The following TBCK variants were observed in gnomAD, a reference collection of about 807,000 sequenced individuals.
The protein encoded by TBCK is TBC domain-containing protein kinase-like protein.
TBCK carries 99 observed loss-of-function variants against 113.4 expected under a neutral mutation model. That is an observed-to-expected ratio of 0.87 (90% CI 0.74 to 1.03). The LOEUF is 1.03. TBCK is among the 50% of genes least tolerant of loss of function. The probability of loss-of-function intolerance (pLI) is 0.00; values close to 1 mark genes in which losing one functional copy is unlikely to be tolerated. For missense variants in TBCK, 1,045 were observed against 1,061.3 expected, an observed-to-expected ratio of 0.98 and a Z score of 0.21; for synonymous variants, 369 against 370.8, an observed-to-expected ratio of 1.00 and a Z score of 0.05.
intron 25 of TBCK, among the ~76,000 whole-genome samples, chr4:106,092,690 G>A (rs1235320104): frequency 2.6e-5 from 4 of 152,196 alleles, no homozygotes; most frequent in East Asian, 1.9e-4. Context: ...CTCCCAGTGC[G>A]GGGCCGTCAA....
rs1767832572 is a variant in TBCK, at chr4:106,308,796, C to A, written c.165G>T (p.Gln55His). 1.2e-6 allele frequency: 2 copies of A among 1,613,752 alleles called. No homozygotes were observed. The highest frequency in any genetic ancestry group is 2.7e-5 in the African/African-American group (2 of 74,980). The change falls in exon 2 of 26, where the codon CAG becomes CAT. Residue 55 changes from glutamine (Q) to histidine (H), a missense_variant. Gln to His is a conservative substitution (Grantham distance 24). Coordinates refer to ENST00000394708, the MANE Select transcript of TBCK (RefSeq NM_001163435.3). ...GCTTTCCCCTAGAAATATCCACATACTGGCAGAGTCTGGGATGGGTGATGG... is the reference window on the plus strand; with the variant it reads ...GCTTTCCCCTAGAAATATCCACATAATGGCAGAGTCTGGGATGGGTGATGG... ...LKTITHPRLC[Q>H]YVDISRGKHE...
chr4:106,252,638 T>A (rs1020575339), intron 5 of TBCK, among the ~76,000 whole-genome samples: 1 of 152,128 alleles, frequency 6.6e-6, no homozygotes, highest in African/African-American at 2.4e-5. Flanking sequence ...AATAATTTCA[T>A]TGATGTACTT....
chr4:106,287,339 A>G (rs1765215960), intron 3 of TBCK, among the ~76,000 whole-genome samples: 1 of 152,150 alleles, frequency 6.6e-6, no homozygotes, highest in Non-Finnish European at 1.5e-5. Flanking sequence ...TTTTTCAGTT[A>G]GCATTAATAT....
At chr4:106,154,568 G>A (rs759650745) in intron 23 of TBCK, among the ~76,000 whole-genome samples, 3 of 152,072 alleles carry the variant, frequency 2.0e-5, no homozygotes, top group Admixed American at 6.6e-5. Flanking sequence ...TAACACCACC[G>A]TCCTTGGTGT....
At chr4:106,248,121 G>C (rs1761034348) in intron 9 of TBCK, 124 bp downstream of exon 9, 2 of 487,062 alleles carry the variant, frequency 4.1e-6, no homozygotes, top group Non-Finnish European at 7.1e-6. Flanking sequence ...TTATGATACT[G>C]ATGTCAATTA....
chr4:106,072,946 T>C (rs1737663011), intron 25 of TBCK, among the ~76,000 whole-genome samples: 1 of 152,220 alleles, frequency 6.6e-6, no homozygotes, highest in South Asian at 2.1e-4. Flanking sequence ...TTCAGCTCCA[T>C]CAGGTCACTT....
chr4:106,205,691 G>A (rs534152514), intron 20 of TBCK, among the ~76,000 whole-genome samples: 29 of 150,928 alleles, frequency 1.9e-4, no homozygotes, highest in African/African-American at 6.3e-4. Flanking sequence ...GCTTGAACCC[G>A]GGAGGCAGAG....
chr4:106,197,383 C>CTG (rs1754359476), intron 20 of TBCK, among the ~76,000 whole-genome samples: 1 of 106,848 alleles, frequency 9.4e-6, no homozygotes, highest in African/African-American at 3.7e-5. Context: ...GAAAACATAT[C>CTG]TGAGTGTGTG....
chr4:106,125,463 T>G (rs1332553223), intron 23 of TBCK, among the ~76,000 whole-genome samples: 2 of 152,132 alleles, frequency 1.3e-5, no homozygotes, highest in Non-Finnish European at 2.9e-5. Flanking sequence ...ATTGTGCCAC[T>G]GCACTCCAGC....
intron 22 of TBCK, among the ~76,000 whole-genome samples, chr4:106,179,375 CT>C (rs1752062938): frequency 1.3e-5 from 2 of 151,886 alleles, no homozygotes; most frequent in African/African-American, 2.4e-5. Context: ...CAGGTGTTTA[CT>C]GCAATAAACT....
intron 1 of TBCK, among the ~76,000 whole-genome samples, chr4:106,314,780 A>G (rs1228779836): frequency 3.3e-5 from 5 of 151,478 alleles, no homozygotes; most frequent in African/African-American, 1.2e-4. Flanking sequence ...GCCCGCCACC[A>G]CGCCCGGCTA....
At chr4:106,095,795 G>GA (rs34901247) in intron 24 of TBCK, among the ~76,000 whole-genome samples, 154 bp from the exon 25 acceptor site, 3 of 149,038 alleles carry the variant, frequency 2.0e-5, no homozygotes, top group East Asian at 2.0e-4. Context: ...ACCTCCAGGA[G>GA]AAAAAAAAAA....
At chr4:106,264,533 C>G (rs1202775075) in intron 3 of TBCK, among the ~76,000 whole-genome samples, 1 of 151,926 alleles carries the variant, frequency 6.6e-6, no homozygotes, top group Non-Finnish European at 1.5e-5. Context: ...ACTTTAAGAC[C>G]TTTGGGCTTT....
intron 3 of TBCK, among the ~76,000 whole-genome samples, chr4:106,265,135 G>C (rs1762872323): frequency 1.3e-5 from 2 of 151,908 alleles, no homozygotes; most frequent in African/African-American, 4.8e-5. Flanking sequence ...CATTAACACA[G>C]AAATATTCAC....
At chr4:106,217,374 T>C (rs1036971220) in intron 19 of TBCK, among the ~76,000 whole-genome samples, 1 of 152,034 alleles carries the variant, frequency 6.6e-6, no homozygotes, top group Non-Finnish European at 1.5e-5. Context: ...CCAGGGCAAT[T>C]AGGCAGGAGA....
intron 20 of TBCK, among the ~76,000 whole-genome samples, chr4:106,208,013 A>G (rs1172227007): frequency 6.6e-6 from 1 of 152,114 alleles, no homozygotes; most frequent in Non-Finnish European, 1.5e-5. Flanking sequence ...TGTAATGATG[A>G]TTAGAGGATT....
chr4:106,052,820 A>T (rs1286036537), intron 25 of TBCK, among the ~76,000 whole-genome samples: 1 of 151,690 alleles, frequency 6.6e-6, no homozygotes, highest in Non-Finnish European at 1.5e-5. Context: ...CCCAACACTC[A>T]GCTTCAACAA....
In TBCK at chr4:106,064,688, T is replaced by A. The variant is rs542789105; in HGVS notation, c.2572-18008A>T. Among the ~76,000 whole-genome samples, 90 of 152,114 alleles carry A rather than the reference T, an allele frequency of 5.9e-4. 3 individuals are homozygous for A. The highest frequency in any genetic ancestry group is 1.7e-3 in the Admixed American group (26 of 15,222). ...AATATTATCTAGATATAGTTAATAA[T>A]TAATTTTAGTCTTATGAGTTTCAGA... On this transcript the variant is annotated intron_variant, in intron 25 of 25. Transcript: ENST00000394708.
intron 25 of TBCK, among the ~76,000 whole-genome samples, chr4:106,093,149 T>A (rs1204977351): frequency 1.3e-5 from 2 of 152,242 alleles, no homozygotes; most frequent in African/African-American, 4.8e-5. Context: ...TAATATCCAC[T>A]TGCATACTTC....
Sources: gnomAD v4.1 joint callset for allele counts (sites outside exome capture counted in the v4.1 genomes callset) on GRCh38, gnomAD v4.1.1 for gene constraint, MANE v1.5 for transcripts, NCBI Gene and HGNC (gene_info 2026-07-23, HGNC 2026-07-21) for gene names.